LRP8: variants seen among roughly 807,000 people sequenced by gnomAD.
The protein encoded by LRP8 is LDL receptor related protein 8, also known as low-density lipoprotein receptor-related protein 8.
Under a neutral mutation model 111.6 loss-of-function variants are expected in LRP8, and 46 were observed. That is an observed-to-expected ratio of 0.41 (90% confidence interval 0.33 to 0.53). The LOEUF is 0.53. Among genes scored for constraint, LRP8 ranks in the 20% least tolerant of loss-of-function variants. The pLI is 0.20. For synonymous variants in LRP8, 464 were observed against 511.2 expected (o/e 0.91, Z 1.24); for missense variants, 959 against 1,297.4 (o/e 0.74, Z 4.01).
chr1:53,277,371 T>C (rs544939002), intron 4 of LRP8, among the ~76,000 whole-genome samples: 1 of 152,116 alleles, frequency 6.6e-6, no homozygotes, highest in Admixed American at 6.5e-5. Flanking sequence ...GCACTGCCTG[T>C]CTTGAAGGAC....
Position 53,250,306 on chromosome 1 carries a change from G to A in LRP8, c.2676+384C>T, listed in dbSNP as rs1375523289. ...AGGCTAAAGGTTCTGAAAATTTACT[G>A]AGCAGAAAGAGAGACATTTGGCTTT... On this transcript the variant is annotated intron_variant, in intron 17 of 18. Coordinates refer to ENST00000306052, the MANE Select transcript of LRP8 (RefSeq NM_004631.5). The surrounding 1 kb of genome is among the most constrained non-coding windows in gnomAD (Gnocchi z 4.6). 1.3e-5 allele frequency among the ~76,000 whole-genome samples: 2 copies of A among 152,218 alleles called. No homozygotes were observed. Among genetic ancestry groups the A allele is most frequent in the East Asian group, 3.8e-4 (2 of 5,202 alleles).
At chr1:53,315,193 T>C (rs762668711) in intron 2 of LRP8, among the ~76,000 whole-genome samples, 5 of 152,062 alleles carry the variant, frequency 3.3e-5, no homozygotes, top group Non-Finnish European at 5.9e-5. Flanking sequence ...CTCTCCCTAA[T>C]TAAACTGGGC....
chr1:53,326,227 C>T (rs572695382), intron 2 of LRP8, among the ~76,000 whole-genome samples: 1 of 152,246 alleles, frequency 6.6e-6, no homozygotes, highest in South Asian at 2.1e-4. Context: ...AAGCGGCGCC[C>T]GAGCCCCGCC....
chr1:53,304,632 C>A (rs1651612515), intron 2 of LRP8: 1 of 152,298 alleles, frequency 6.6e-6, no homozygotes, highest in South Asian at 2.1e-4. Context: ...TTAGGTAAGA[C>A]CTTCGGAGGT....
intron 2 of LRP8, among the ~76,000 whole-genome samples, chr1:53,325,859 A>C (rs1042725845): frequency 6.6e-6 from 1 of 152,188 alleles, no homozygotes; most frequent in Non-Finnish European, 1.5e-5. Context: ...CCGAATGATG[A>C]ATGAATGACT....
intron 3 of LRP8, among the ~76,000 whole-genome samples, 195 bp from the exon 4 acceptor site, chr1:53,280,910 G>A (rs1178619532): frequency 6.6e-6 from 1 of 152,182 alleles, no homozygotes; most frequent in Non-Finnish European, 1.5e-5. Context: ...TCCTAAATCT[G>A]ACCCTTCTCT....
rs1426012770 is a variant in LRP8, at chr1:53,293,851, G to A, written c.245-4162C>T. 2.0e-5 allele frequency among the ~76,000 whole-genome samples: 3 copies of A among 152,330 alleles called. No individual in the cohort carries two copies. The highest frequency in any genetic ancestry group is 6.5e-5 in the Admixed American group (1 of 15,304). ...GACTGACTCCTGGCATAGCCACCTC[G>A]GGGTGAACCTGGGCAAGTGGGGATG... On this transcript the variant is annotated intron_variant, in intron 2 of 18. Coordinates refer to ENST00000306052, the MANE Select transcript of LRP8 (RefSeq NM_004631.5). The surrounding 1 kb of genome is among the most constrained non-coding windows in gnomAD (Gnocchi z 4.9).
At chr1:53,320,768 G>A (rs1654406422) in intron 2 of LRP8, among the ~76,000 whole-genome samples, 1 of 152,206 alleles carries the variant, frequency 6.6e-6, no homozygotes, top group African/African-American at 2.4e-5. Flanking sequence ...TGGTAGCTCA[G>A]GGAGGCACTG....
intron 15 of LRP8, among the ~76,000 whole-genome samples, chr1:53,256,889 CAG>C (rs1159824140): frequency 6.6e-6 from 1 of 152,224 alleles, no homozygotes; most frequent in East Asian, 1.9e-4. Context: ...CACACCCTCG[CAG>C]AGTCAGCAAC....
Position 53,247,023 on chromosome 1 carries a change from G to A in LRP8, c.2887C>T (p.Pro963Ser). The change falls in exon 19 of 19, where the codon CCC becomes TCC. Residue 963 changes from proline to serine, a missense_variant. By Grantham distance (74) the Pro-to-Ser change is moderately conservative. Around this residue, in one of 3 missense-constraint regions of LRP8, gnomAD observed 819 missense variants for 1,097.6 expected, o/e 0.75. Coordinates refer to ENST00000306052, the MANE Select transcript of LRP8 (RefSeq NM_004631.5). The part of the protein sequence containing the change: ...VALSLEDDGL[P>S] Reference sequence around the variant, plus strand: ...CGAAGGGGGTGATCCCATCCTCAGGGTAGTCCATCATCTTCAAGGCTTAAT... The same window carrying A: ...CGAAGGGGGTGATCCCATCCTCAGGATAGTCCATCATCTTCAAGGCTTAAT... 1 of 1,605,098 alleles carries A rather than the reference G, an allele frequency of 6.2e-7. No homozygotes were observed. Among genetic ancestry groups the A allele is most frequent in the East Asian group, 2.2e-5 (1 of 44,604 alleles).
In LRP8 at chr1:53,262,389, C is replaced by G; in HGVS notation, c.1774+57G>C. On this transcript the variant is annotated intron_variant, in intron 11 of 18. Coordinates refer to ENST00000306052, the MANE Select transcript of LRP8 (RefSeq NM_004631.5). The surrounding 1 kb of genome is among the most constrained non-coding windows in gnomAD (Gnocchi z 4.8). ...GAAACAAGACTCATGGAGTTCCAGA[C>G]AGTGATCAGGACAAGGCACTAGAAT... 2 of 1,555,566 alleles carry G rather than the reference C, an allele frequency of 1.3e-6. No homozygotes were observed. Among genetic ancestry groups the G allele is most frequent in the Non-Finnish European group, 1.8e-6 (2 of 1,129,028 alleles).
At chr1:53,323,005 T>C (rs1654708702) in intron 2 of LRP8, among the ~76,000 whole-genome samples, 1 of 151,980 alleles carries the variant, frequency 6.6e-6, no homozygotes. Flanking sequence ...CTGAACAAAG[T>C]CGAGGTCAGT....
chr1:53,321,160 A>C (rs1169677799), intron 2 of LRP8, among the ~76,000 whole-genome samples: 1 of 152,212 alleles, frequency 6.6e-6, no homozygotes, highest in Non-Finnish European at 1.5e-5. Context: ...AGGCTGGCGG[A>C]GTGCACAATG....
chr1:53,289,813 G>A (rs934890689), intron 2 of LRP8, 124 bp from the exon 3 acceptor site: 9 of 1,240,360 alleles, frequency 7.3e-6, no homozygotes, highest in Middle Eastern at 5.3e-4. Context: ...GCAGAGGACA[G>A]GAGAGACAAG....
rs771157004 is a variant in LRP8, at chr1:53,280,693, C to A, written c.390G>T (p.Glu130Asp). 11 of 1,612,238 alleles carry A rather than the reference C, an allele frequency of 6.8e-6. No homozygotes were observed. The East Asian group carries it at 2.5e-4, about 36-fold the overall frequency. Residue 130 changes from glutamate (E) to aspartate (D), a missense_variant, in exon 4 of 19, where the codon GAG becomes GAT. Physicochemically the swap from Glu to Asp is conservative, Grantham distance 45. Coordinates refer to ENST00000306052, the MANE Select transcript of LRP8 (RefSeq NM_004631.5). ...GGCTGGTGGGTCCACAGCTCAGCTT[C>A]TCTGCAGGACACACCTGCTTGGCTG... ...ATCTKQVCPA[E>D]KLSCGPTSHK...
At chr1:53,273,172 C>T (rs182294946) in intron 6 of LRP8, among the ~76,000 whole-genome samples, 38 of 152,198 alleles carry the variant, frequency 2.5e-4, no homozygotes, top group East Asian at 1.5e-3. Context: ...GGTGTGATTC[C>T]GCTGGGGAGC....
At chr1:53,308,397 T>TG (rs1367946111) in intron 2 of LRP8, among the ~76,000 whole-genome samples, 1 of 152,184 alleles carries the variant, frequency 6.6e-6, no homozygotes, top group Non-Finnish European at 1.5e-5. Context: ...ATGAGGATCC[T>TG]GGGGGGTTCA....
chr1:53,297,960 G>A (rs1430127690), intron 2 of LRP8, among the ~76,000 whole-genome samples: 1 of 152,206 alleles, frequency 6.6e-6, no homozygotes, highest in Non-Finnish European at 1.5e-5. Flanking sequence ...AGCGGTGGAA[G>A]GAGTGTCACC....
chr1:53,323,312 A>C (rs1176129092), intron 2 of LRP8, among the ~76,000 whole-genome samples: 1 of 152,226 alleles, frequency 6.6e-6, no homozygotes, highest in Non-Finnish European at 1.5e-5. Flanking sequence ...ATTTTATAGA[A>C]TAGAGGAACG....
Sources: allele counts gnomAD v4.1 joint callset (sites outside exome capture counted in the v4.1 genomes callset), GRCh38; gene constraint gnomAD v4.1.1; regional missense constraint gnomAD v4.1.1; non-coding constraint Gnocchi (gnomAD v3.1); transcripts MANE v1.5; gene names NCBI Gene and HGNC (gene_info 2026-07-23, HGNC 2026-07-21).